Variants in C3orf49 observed in about 807,000 individuals in gnomAD.
C3orf49 encodes chromosome 3 open reading frame 49.
In C3orf49, 27 loss-of-function variants were observed where a neutral mutation model predicts 13.3. The ratio of observed to expected loss-of-function variants is 2.02; its 90% CI spans 1.49 to 2.79. The LOEUF (loss-of-function observed/expected upper bound fraction) is 2.79, where lower values mean the gene tolerates loss of function less well. Ranked by LOEUF, C3orf49 falls within the 30% of genes most tolerant of loss-of-function variation. The probability of loss-of-function intolerance (pLI) is 0.00; values close to 1 mark genes in which losing one functional copy is unlikely to be tolerated. For missense variants in C3orf49, 242 were observed against 134.2 expected (o/e 1.80, Z -3.97); for synonymous variants, 87 against 47.6 (o/e 1.83, Z -3.40).
chr3:63,797,208 G>T, the C3orf49 span, among the ~76,000 whole-genome samples: 1 of 151,968 alleles, frequency 6.6e-6, no homozygotes, highest in South Asian at 2.1e-4. Context: ...CCTCTGGCAT[G>T]TTTCAAGATT....
chr3:63,809,381 G>C, the C3orf49 span, among the ~76,000 whole-genome samples: 2 of 152,066 alleles, frequency 1.3e-5, no homozygotes, highest in Non-Finnish European at 2.9e-5. Context: ...ATCAAGTTTG[G>C]GATAATCTGT....
chr3:63,837,172 T>A (rs753193498), intron 5 of C3orf49, among the ~76,000 whole-genome samples: 6 of 151,970 alleles, frequency 3.9e-5, no homozygotes, highest in Admixed American at 2.0e-4. Flanking sequence ...ATACAAATTT[T>A]TTGAATTACA....
chr3:63,818,069 AT>A (rs1482500138), upstream of C3orf49, among the ~76,000 whole-genome samples: 5 of 152,202 alleles, frequency 3.3e-5, no homozygotes, highest in East Asian at 9.6e-4. Flanking sequence ...GCCAAGGCAT[AT>A]TAGATATGCT....
At chr3:63,790,710 G>A in the C3orf49 span, among the ~76,000 whole-genome samples, 1 of 150,824 alleles carries the variant, frequency 6.6e-6, no homozygotes. Flanking sequence ...CCCATTAGAC[G>A]ATTAACTGCA....
chr3:63,806,186 A>G, the C3orf49 span, among the ~76,000 whole-genome samples: 1 of 152,196 alleles, frequency 6.6e-6, no homozygotes, highest in African/African-American at 2.4e-5. Context: ...TTTAGTGTGG[A>G]TAAATAACAC....
upstream of C3orf49, among the ~76,000 whole-genome samples, chr3:63,816,833 C>T (rs1484961055): frequency 7.6e-6 from 1 of 131,312 alleles, no homozygotes; most frequent in Non-Finnish European, 1.5e-5. Flanking sequence ...AGTGCAGTGG[C>T]GCGATCTCGG....
the C3orf49 span, among the ~76,000 whole-genome samples, chr3:63,802,044 G>A: frequency 1.3e-5 from 2 of 152,294 alleles, no homozygotes; most frequent in East Asian, 3.9e-4. Context: ...TTCCATCCAG[G>A]GAATAGGCAG....
intron 1 of C3orf49, among the ~76,000 whole-genome samples, chr3:63,822,669 C>A (rs1371244167): frequency 6.6e-6 from 1 of 152,084 alleles, no homozygotes; most frequent in Non-Finnish European, 1.5e-5. Context: ...ATAAAATATG[C>A]CAAAATTATG....
At chr3:63,838,150 T>C (rs527911056) in intron 5 of C3orf49, 2 of 1,274,048 alleles carry the variant, frequency 1.6e-6, no homozygotes, top group African/African-American at 1.5e-5. Flanking sequence ...TTAACCTCTA[T>C]TGGTAACAAA....
At chr3:63,844,859 C>T (rs971785494) in intron 5 of C3orf49, among the ~76,000 whole-genome samples, 164 bp from the exon 6 acceptor site, 10 of 152,186 alleles carry the variant, frequency 6.6e-5, no homozygotes, top group African/African-American at 2.4e-4. Context: ...CTCTGGTATT[C>T]TATTACAGCC....
the C3orf49 span, among the ~76,000 whole-genome samples, chr3:63,791,581 G>C: frequency 7.9e-5 from 12 of 152,170 alleles, no homozygotes; most frequent in East Asian, 5.8e-4. Flanking sequence ...CTGATGCCTG[G>C]GCCCACCCCA....
Position 63,831,909 on chromosome 3 carries a change from C to G in C3orf49, c.849+65C>G, listed in dbSNP as rs1040439674. 6.1e-6 allele frequency: 4 copies of G among 652,980 alleles called. No homozygotes were observed. In the African/African-American group the frequency reaches 7.3e-5, roughly 12 times the overall value. 40.4% of individuals were successfully genotyped at this position (652,980 alleles called of 1,614,324 possible). ...TCCTGATTCTTTAAAAGTTATCTTC[C>G]CTAGGCTGGCCGTGGTGGCTCACGC... On this transcript the variant is annotated intron_variant, in intron 5 of 6. Transcript: ENST00000295896.
chr3:63,794,848 C>T, the C3orf49 span, among the ~76,000 whole-genome samples: 1 of 152,138 alleles, frequency 6.6e-6, no homozygotes, highest in Admixed American at 6.6e-5. Context: ...AAGGCTGTTT[C>T]ACTACCACTT....
the C3orf49 span, among the ~76,000 whole-genome samples, chr3:63,806,947 C>T: frequency 6.6e-6 from 1 of 151,878 alleles, no homozygotes; most frequent in Admixed American, 6.6e-5. Context: ...AATAAGAATA[C>T]CTCATTTTTT....
At chr3:63,790,442 C>T in the C3orf49 span, among the ~76,000 whole-genome samples, 1 of 152,144 alleles carries the variant, frequency 6.6e-6, no homozygotes, top group Non-Finnish European at 1.5e-5. Context: ...TACAATAGAA[C>T]CACCTGGAGA....
upstream of C3orf49, among the ~76,000 whole-genome samples, chr3:63,816,773 T>TC (rs1315309287): frequency 3.8e-4 from 52 of 136,278 alleles, no homozygotes; most frequent in East Asian, 1.3e-3. Flanking sequence ...TCTTTTCTTT[T>TC]TTTTTTTTTT....
At chr3:63,841,212 C>T (rs979291393) in intron 5 of C3orf49, among the ~76,000 whole-genome samples, 3 of 152,070 alleles carry the variant, frequency 2.0e-5, no homozygotes, top group African/African-American at 4.8e-5. Context: ...GGAGGCTTTG[C>T]GTGTGTGCAT....
chr3:63,790,237 C>T, the C3orf49 span, among the ~76,000 whole-genome samples: 1 of 152,180 alleles, frequency 6.6e-6, no homozygotes, highest in Non-Finnish European at 1.5e-5. Context: ...TCTCAGTGGA[C>T]TTACCCAGGT....
chr3:63,846,749 C>A (rs1333112695), intron 6 of C3orf49, among the ~76,000 whole-genome samples: 1 of 152,024 alleles, frequency 6.6e-6, no homozygotes, highest in African/African-American at 2.4e-5. Context: ...TTGATCTGTA[C>A]CAACTAGTAT....
Sources: gnomAD v4.1 joint callset for allele counts (sites outside exome capture counted in the v4.1 genomes callset) on GRCh38, gnomAD v4.1.1 for gene constraint, MANE v1.5 for transcripts, NCBI Gene and HGNC (gene_info 2026-07-23, HGNC 2026-07-21) for gene names.